USP8: variants seen among roughly 807,000 people sequenced by gnomAD.
USP8 encodes ubiquitin specific peptidase 8, also known as ubiquitin carboxyl-terminal hydrolase 8.
USP8 carries 27 observed loss-of-function variants against 130.0 expected under a neutral mutation model. That is an observed-to-expected ratio of 0.21 (90% confidence interval 0.15 to 0.29). The LOEUF is 0.29. Ranked by LOEUF, USP8 falls within the 10% of genes least tolerant of loss-of-function variation. The pLI, the probability that USP8 is intolerant of heterozygous loss-of-function variation, is 1.00. For missense variants in USP8, 1,029 were observed against 1,312.2 expected (o/e 0.78, Z 3.33); for synonymous variants, 392 against 444.1 (o/e 0.88, Z 1.48).
Position 50,496,089 on chromosome 15 carries a change from G to A in USP8, c.2895+5G>A, listed in dbSNP as rs1160146404. 3 of 1,583,976 alleles carry A rather than the reference G, an allele frequency of 1.9e-6. No individual in the cohort carries two copies. Among genetic ancestry groups the A allele is most frequent in the Non-Finnish European group, 2.6e-6 (3 of 1,159,418 alleles). ...ACAAGTAAATGTACATTACAGGTAA[G>A]TTTAAGAAGTAGAGAGAAAATGATT... is the stretch of plus-strand genomic sequence containing the variant. On this transcript the variant is annotated splice_donor_5th_base_variant and intron_variant, in intron 17 of 19. Transcript: ENST00000307179.
At chr15:50,444,229 G>A (rs529929237) in intron 3 of USP8, among the ~76,000 whole-genome samples, 11 of 150,090 alleles carry the variant, frequency 7.3e-5, no homozygotes, top group East Asian at 2.0e-4. Context: ...TCAGCCTCCC[G>A]AGTAGCTGGG....
chr15:50,512,037 G>A lies in USP8; in HGVS notation c.*12949G>A, dbSNP rs1427523044. ...AAAATTTTAAAAATACGCAGAATAG[G>A]CACATCTATAGAAATATATAAAGTA... On this transcript the variant is annotated 3_prime_UTR_variant, in exon 20 of 20. Transcript: ENST00000307179. 6.6e-6 allele frequency: 1 copy of A among 151,866 alleles called. No individual in the cohort carries two copies. Among genetic ancestry groups the A allele is most frequent in the East Asian group, 1.9e-4 (1 of 5,178 alleles). The allele number at this position is 151,866 out of a possible 1,614,324, so 9.4% of individuals were successfully genotyped here.
intron 8 of USP8, among the ~76,000 whole-genome samples, chr15:50,472,651 C>T (rs2051420813): frequency 6.6e-6 from 1 of 151,090 alleles, no homozygotes; most frequent in South Asian, 2.1e-4. Context: ...TGGCCCATGC[C>T]TGTAATCCCA....
chr15:50,491,362 C>T (rs929939233), intron 14 of USP8, among the ~76,000 whole-genome samples: 7 of 152,168 alleles, frequency 4.6e-5, no homozygotes, highest in African/African-American at 1.7e-4. Context: ...CTTACCCTGC[C>T]AGGTGCAGAC....
In USP8 at chr15:50,499,128, C is replaced by T. The variant is rs1039985771; in HGVS notation, c.*40C>T. On this transcript the variant is annotated 3_prime_UTR_variant, in exon 20 of 20. Transcript: ENST00000307179. ...TAAACTAGTTATCTTTTAAAAGGCT[C>T]AGCAACACAACTCTTGAAATGCTTA... The T allele has an allele frequency of 1.3e-6, 2 of 1,526,930 alleles. No individual in the cohort carries two copies. The highest frequency in any genetic ancestry group is 1.8e-6 in the Non-Finnish European group (2 of 1,136,924). The allele number at this position is 1,526,930 out of a possible 1,614,324, so 94.6% of individuals were successfully genotyped here. A position where few individuals can be genotyped will look rare whatever the true frequency, so the allele number is the denominator to read the frequency against.
intron 8 of USP8, among the ~76,000 whole-genome samples, chr15:50,473,501 A>T (rs181197563): frequency 1.3e-3 from 200 of 151,946 alleles, no homozygotes; most frequent in African/African-American, 4.6e-3. Flanking sequence ...TTTTAATTTT[A>T]ATTTTTATTT....
intron 11 of USP8, among the ~76,000 whole-genome samples, chr15:50,484,007 G>A (rs914708661): frequency 6.6e-6 from 1 of 151,676 alleles, no homozygotes; most frequent in Admixed American, 6.6e-5. Context: ...TTAATGATCA[G>A]CATTTTATAC....
rs35800074 is a variant in USP8, at chr15:50,450,462, C to CTTTTT, written c.335+997_335+1001dup. Among the ~76,000 whole-genome samples, 199 of 80,420 alleles carry CTTTTT rather than the reference C, an allele frequency of 2.5e-3. 5 individuals carry two copies. The highest frequency in any genetic ancestry group is 3.7e-3 in the African/African-American group (82 of 22,330). 52.8% of individuals were successfully genotyped at this position (80,420 alleles called of 152,430 possible). ...TTTCAGTTTTTAGTCGTTAGTCATT[C>CTTTTT]TTTTTTTTTTTTTTTTTTTTTTTTG... On this transcript the variant is annotated intron_variant, in intron 4 of 19. Coordinates refer to ENST00000307179, the MANE Select transcript of USP8 (RefSeq NM_005154.5).
chr15:50,454,339 A>T (rs549311704), intron 4 of USP8, among the ~76,000 whole-genome samples: 1 of 152,166 alleles, frequency 6.6e-6, no homozygotes, highest in Admixed American at 6.5e-5. Flanking sequence ...CCAGCTCTAC[A>T]TACGATAGAC....
rs2052681772 is a variant in USP8 at position 50,507,776 on chromosome 15, AAG to A, written c.*8691_*8692del. On this transcript the variant is annotated 3_prime_UTR_variant, in exon 20 of 20. Coordinates refer to ENST00000307179, the MANE Select transcript of USP8 (RefSeq NM_005154.5). Reference sequence around the variant, plus strand: ...AAGTGCACTGTCTCAACAAATGTAAAAGAGTTAGTTTAGGCCAGGCACGGTGG... The same window carrying A: ...AAGTGCACTGTCTCAACAAATGTAAAAGTTAGTTTAGGCCAGGCACGGTGG... The A allele has an allele frequency of 6.6e-6, 1 of 152,132 alleles. No individual in the cohort carries two copies. 9.4% of individuals were successfully genotyped at this position (152,132 alleles called of 1,614,324 possible).
intron 11 of USP8, among the ~76,000 whole-genome samples, chr15:50,483,844 T>G (rs1443863341): frequency 6.6e-6 from 1 of 152,182 alleles, no homozygotes; most frequent in East Asian, 1.9e-4. Context: ...GAATATAGAT[T>G]TTTGCATTTT....
intron 3 of USP8, 60 bp from the exon 4 acceptor site, chr15:50,449,340 A>T: frequency 9.4e-7 from 1 of 1,061,848 alleles, no homozygotes; most frequent in African/African-American, 1.6e-5. Context: ...TGATTTTAAC[A>T]CTAGTGTCAC....
rs1474174170 is a variant in USP8 at position 50,484,366 on chromosome 15, G to C, written c.1890+5G>C. The C allele has an allele frequency of 5.0e-6, 8 of 1,604,922 alleles. No individual in the cohort carries two copies. The highest frequency in any genetic ancestry group is 1.3e-5 in the African/African-American group (1 of 74,352). On this transcript the variant is annotated splice_donor_5th_base_variant and intron_variant, in intron 12 of 19. Transcript: ENST00000307179. ...GACGATACCGAAAGAAATAAAGTAAGTAGTTTATTGCAGGAAAAAACTGGA... is the reference window on the plus strand; with the variant it reads ...GACGATACCGAAAGAAATAAAGTAACTAGTTTATTGCAGGAAAAAACTGGA...
intron 1 of USP8, chr15:50,432,577 T>A (rs2049966009): frequency 6.6e-6 from 1 of 152,240 alleles, no homozygotes; most frequent in African/African-American, 2.4e-5. Flanking sequence ...AGTTCCCCAA[T>A]CAGCACTGGT....
At chr15:50,454,601 G>A (rs1469091529) in intron 4 of USP8, among the ~76,000 whole-genome samples, 10 of 151,512 alleles carry the variant, frequency 6.6e-5, no homozygotes, top group Non-Finnish European at 1.2e-4. Flanking sequence ...TACTACAGGT[G>A]TGTGCCACCA....
intron 7 of USP8, among the ~76,000 whole-genome samples, chr15:50,471,028 A>G (rs1028690237): frequency 1.3e-5 from 2 of 152,204 alleles, no homozygotes; most frequent in African/African-American, 4.8e-5. Context: ...GATTGCCTGA[A>G]TTTTAATTCT....
In USP8 at chr15:50,507,747, A is replaced by G. The variant is rs2052681226; in HGVS notation, c.*8659A>G. 6.6e-6 allele frequency: 1 copy of G among 152,182 alleles called. No homozygotes were observed. The highest frequency in any genetic ancestry group is 2.1e-4 in the South Asian group (1 of 4,824). 9.4% of individuals were successfully genotyped at this position (152,182 alleles called of 1,614,324 possible). A position where few individuals can be genotyped will look rare whatever the true frequency, so the allele number is the denominator to read the frequency against. ...CTTAGATGAGTATCTGACTCCTGAA[A>G]TAGAAGTGCACTGTCTCAACAAATG... On this transcript the variant is annotated 3_prime_UTR_variant, in exon 20 of 20. Coordinates refer to ENST00000307179, the MANE Select transcript of USP8 (RefSeq NM_005154.5).
intron 1 of USP8, 82 bp from the exon 2 acceptor site, chr15:50,438,927 T>C (rs751192606): frequency 3.5e-6 from 2 of 571,066 alleles, no homozygotes; most frequent in African/African-American, 1.9e-5. Flanking sequence ...AAGGATATGG[T>C]TTAGGAATTT....
rs2141344644 is a variant in USP8 at position 50,506,084 on chromosome 15, G to T, written c.*6996G>T. The T allele has an allele frequency of 6.6e-6, 1 of 152,354 alleles. No individual in the cohort carries two copies. The highest frequency in any genetic ancestry group is 2.4e-5 in the African/African-American group (1 of 41,578). 9.4% of individuals were successfully genotyped at this position (152,354 alleles called of 1,614,324 possible). A position where few individuals can be genotyped will look rare whatever the true frequency, so the allele number is the denominator to read the frequency against. On this transcript the variant is annotated 3_prime_UTR_variant, in exon 20 of 20. Coordinates refer to ENST00000307179, the MANE Select transcript of USP8 (RefSeq NM_005154.5). The stretch of plus-strand genomic sequence containing the variant: ...ACTTTAGGCTTTAAGTATGAAAGCT[G>T]TCGTTTTTTAGCATAATTACTAAAG...
Sources: allele counts gnomAD v4.1 joint callset (sites outside exome capture counted in the v4.1 genomes callset), GRCh38; gene constraint gnomAD v4.1.1; transcripts MANE v1.5; gene names NCBI Gene and HGNC (gene_info 2026-07-23, HGNC 2026-07-21).